Variants in ST6GAL2 observed in about 807,000 individuals in gnomAD.
ST6GAL2 encodes the protein ST6 beta-galactoside alpha-2,6-sialyltransferase 2.
In ST6GAL2, 24 loss-of-function variants were observed where a neutral mutation model predicts 37.5. The ratio of observed to expected loss-of-function variants is 0.64; its 90% CI spans 0.46 to 0.90. The LOEUF (loss-of-function observed/expected upper bound fraction) is 0.90, where lower values mean the gene tolerates loss of function less well. ST6GAL2 is among the 40% of genes least tolerant of loss of function. The pLI is 0.00. For synonymous variants in ST6GAL2, 306 were observed against 295.1 expected (o/e 1.04, Z -0.38); for missense variants, 715 against 712.7 (o/e 1.00, Z -0.04).
At chr2:106,845,743 A>G (rs1486725885) in intron 1 of ST6GAL2, among the ~76,000 whole-genome samples, 1 of 152,192 alleles carries the variant, frequency 6.6e-6, no homozygotes, top group Non-Finnish European at 1.5e-5. Context: ...AAAGGTGGAC[A>G]CAGATTCTGT....
chr2:106,807,224 G>A (rs746616876), intron 5 of ST6GAL2, among the ~76,000 whole-genome samples: 5 of 152,124 alleles, frequency 3.3e-5, no homozygotes, highest in Non-Finnish European at 7.3e-5. Context: ...ATGAAAAGAA[G>A]TCAGTGAACT....
intron 1 of ST6GAL2, among the ~76,000 whole-genome samples, chr2:106,856,300 T>A (rs1389779140): frequency 6.6e-6 from 1 of 152,116 alleles, no homozygotes; most frequent in Non-Finnish European, 1.5e-5. Flanking sequence ...AACCCAAGGG[T>A]AACAACCCTG....
At chr2:106,828,567 A>G (rs926433547) in intron 5 of ST6GAL2, among the ~76,000 whole-genome samples, 4 of 152,210 alleles carry the variant, frequency 2.6e-5, no homozygotes, top group African/African-American at 9.6e-5. Context: ...CATTATTACA[A>G]TACCAAAACC....
chr2:106,847,176 T>C (rs1477121845), intron 1 of ST6GAL2, among the ~76,000 whole-genome samples: 5 of 152,226 alleles, frequency 3.3e-5, no homozygotes. Flanking sequence ...GTCTTGGCAT[T>C]GTACAATTGC....
intron 1 of ST6GAL2, among the ~76,000 whole-genome samples, chr2:106,877,283 C>T (rs908806478): frequency 6.6e-6 from 1 of 152,192 alleles, no homozygotes; most frequent in African/African-American, 2.4e-5. Context: ...CCACCTCAGT[C>T]TTTTGTACCT....
chr2:106,803,401 C>T lies in ST6GAL2; in HGVS notation c.*3277G>A, dbSNP rs998310353. 6.6e-6 allele frequency: 1 copy of T among 152,146 alleles called. No homozygotes were observed. Among genetic ancestry groups the T allele is most frequent in the South Asian group, 2.1e-4 (1 of 4,798 alleles). 9.4% of individuals were successfully genotyped at this position (152,146 alleles called of 1,614,324 possible). On this transcript the variant is annotated 3_prime_UTR_variant, in exon 6 of 6. Coordinates refer to ENST00000409382, the MANE Select transcript of ST6GAL2 (RefSeq NM_001142351.2). ...TACATGCAACTTTTAATTGACCATC[C>T]CTTGGTCCTGAGCACAAAGTTCTCT...
intron 5 of ST6GAL2, among the ~76,000 whole-genome samples, chr2:106,811,803 T>C (rs1403219447): frequency 6.6e-6 from 1 of 152,138 alleles, no homozygotes; most frequent in Non-Finnish European, 1.5e-5. Flanking sequence ...GGTTCAATGA[T>C]TCAATAGGAA....
In ST6GAL2 at chr2:106,855,498, A is replaced by G. The variant is rs1677538592; in HGVS notation, c.-57-11464T>C. On this transcript the variant is annotated intron_variant, in intron 1 of 5. Transcript: ENST00000409382. ...TATGTAAAATGTTTAAACACATAAT[A>G]TAAATCACCTAGTAGCTACCTCTGA... is the stretch of plus-strand genomic sequence containing the variant. Among the ~76,000 whole-genome samples the G allele has an allele frequency of 2.6e-5, 4 of 152,364 alleles. No homozygotes were observed. In the South Asian group the frequency reaches 8.3e-4, roughly 32 times the overall value.
intron 1 of ST6GAL2, among the ~76,000 whole-genome samples, chr2:106,871,545 A>G (rs1331881958): frequency 6.6e-6 from 1 of 152,208 alleles, no homozygotes. Flanking sequence ...ACACAAACAC[A>G]TTGTACAGCT....
At chr2:106,866,462 T>C (rs546271347) in intron 1 of ST6GAL2, among the ~76,000 whole-genome samples, 2 of 152,210 alleles carry the variant, frequency 1.3e-5, no homozygotes, top group Non-Finnish European at 2.9e-5. Flanking sequence ...TGATGCCTCA[T>C]GAGCACAGGA....
chr2:106,845,629 C>T (rs1677113279), intron 1 of ST6GAL2, among the ~76,000 whole-genome samples: 1 of 152,138 alleles, frequency 6.6e-6, no homozygotes, highest in Non-Finnish European at 1.5e-5. Flanking sequence ...AATGAATGTT[C>T]CTACCTCAAT....
chr2:106,833,096 A>T (rs7565431), intron 3 of ST6GAL2, among the ~76,000 whole-genome samples: 22,334 of 152,148 alleles, frequency 0.15, 2,290 homozygotes, highest in East Asian at 0.49. Context: ...ACCTAGTTCT[A>T]AATGAGTTCT....
chr2:106,882,955 C>T (rs1196407541), intron 1 of ST6GAL2, among the ~76,000 whole-genome samples: 1 of 152,198 alleles, frequency 6.6e-6, no homozygotes, highest in African/African-American at 2.4e-5. Flanking sequence ...CCCAACCAAC[C>T]AGTAGGCCCT....
chr2:106,877,211 G>T (rs1013037784), intron 1 of ST6GAL2, among the ~76,000 whole-genome samples: 4 of 152,176 alleles, frequency 2.6e-5, no homozygotes, highest in African/African-American at 7.2e-5. Flanking sequence ...TCAAGTTGGG[G>T]ATATAGCCAA....
At chr2:106,846,308 C>G (rs544718363) in intron 1 of ST6GAL2, among the ~76,000 whole-genome samples, 4 of 151,922 alleles carry the variant, frequency 2.6e-5, no homozygotes, top group Admixed American at 2.0e-4. Context: ...CATTTATATA[C>G]CTATATATGT....
intron 1 of ST6GAL2, among the ~76,000 whole-genome samples, chr2:106,844,278 A>G (rs1232194549): frequency 6.9e-6 from 1 of 145,744 alleles, no homozygotes; most frequent in East Asian, 2.2e-4. Context: ...GAGTCTTTGG[A>G]GAGAGGCGAT....
intron 1 of ST6GAL2, among the ~76,000 whole-genome samples, chr2:106,859,936 C>T (rs1677731635): frequency 6.6e-6 from 1 of 152,072 alleles, no homozygotes; most frequent in Non-Finnish European, 1.5e-5. Context: ...CTGCTTGTCT[C>T]TCTGCTCTCC....
chr2:106,877,379 A>C (rs535099834), intron 1 of ST6GAL2, among the ~76,000 whole-genome samples: 16 of 152,336 alleles, frequency 1.1e-4, no homozygotes, highest in Admixed American at 9.8e-4. Flanking sequence ...TTACATATAC[A>C]TGTATATACA....
At chr2:106,855,736 T>C (rs767878119) in intron 1 of ST6GAL2, among the ~76,000 whole-genome samples, 12 of 152,342 alleles carry the variant, frequency 7.9e-5, no homozygotes, top group South Asian at 6.2e-4. Context: ...TTTATAAAAG[T>C]AAAGTTGTAA....
Sources: gnomAD v4.1 joint callset for allele counts (sites outside exome capture counted in the v4.1 genomes callset) on GRCh38, gnomAD v4.1.1 for gene constraint, MANE v1.5 for transcripts, NCBI Gene and HGNC (gene_info 2026-07-23, HGNC 2026-07-21) for gene names.